PCDHA1: variants seen among roughly 807,000 people sequenced by gnomAD.
The protein encoded by PCDHA1 is protocadherin alpha 1, also known as protocadherin alpha-1.
A neutral mutation model predicts 61.3 loss-of-function variants in PCDHA1; 42 were observed. That is an observed-to-expected ratio of 0.69 (90% CI 0.54 to 0.89). The LOEUF (loss-of-function observed/expected upper bound fraction) is 0.89. Among genes scored for constraint, PCDHA1 ranks in the 40% least tolerant of loss-of-function variants. The pLI, the probability that PCDHA1 is intolerant of heterozygous loss-of-function variation, is 0.00. For missense variants in PCDHA1, 1,256 were observed against 1,235.3 expected (o/e 1.02, Z -0.25); for synonymous variants, 610 against 553.8 (o/e 1.10, Z -1.43).
chr5:140,908,999 T>C (rs1221174156), intron 1 of PCDHA1, among the ~76,000 whole-genome samples: 1 of 152,190 alleles, frequency 6.6e-6, no homozygotes, highest in Non-Finnish European at 1.5e-5. Context: ...GAAATTTTAC[T>C]GAGGTAGAAG....
At chr5:140,919,876 G>A (rs2079336654) in intron 1 of PCDHA1, among the ~76,000 whole-genome samples, 1 of 152,174 alleles carries the variant, frequency 6.6e-6, no homozygotes, top group Non-Finnish European at 1.5e-5. Flanking sequence ...AGTCTTTGAA[G>A]ACATAATTAT....
At position 140,853,046 on chromosome 5, in the gene PCDHA1, T is replaced by C. The variant is rs2150527902; in HGVS notation, c.2394+64362T>C. 4 of 266,690 alleles carry C rather than the reference T, an allele frequency of 1.5e-5. No individual in the cohort carries two copies. The South Asian group carries it at 5.7e-4, about 38-fold the overall frequency. The allele number at this position is 266,690 out of a possible 1,614,324, so 16.5% of individuals were successfully genotyped here. On this transcript the variant is annotated intron_variant, in intron 1 of 3. Transcript: ENST00000504120. ...GGCGCCTGCCACCATGCCCGCCTAA[T>C]TTTTTTGTATTTTTAGTAGAGATGG...
At chr5:140,808,754 C>T (rs1764256292) in intron 1 of PCDHA1, 4 of 1,612,248 alleles carry the variant, frequency 2.5e-6, no homozygotes, top group Non-Finnish European at 3.4e-6. Context: ...GCTGCAGCCG[C>T]TGGACCACGA....
At chr5:140,995,168 A>G (rs1554254492) in intron 3 of PCDHA1, among the ~76,000 whole-genome samples, 1 of 152,186 alleles carries the variant, frequency 6.6e-6, no homozygotes. Context: ...ATGTTCTTTC[A>G]TAGGTGCACC....
chr5:140,796,481 G>T, intron 1 of PCDHA1: 1 of 1,612,292 alleles, frequency 6.2e-7, no homozygotes, highest in East Asian at 2.2e-5. Flanking sequence ...GCGTTGTCGA[G>T]CTACGTTTCG....
At position 140,876,392 on chromosome 5, in the gene PCDHA1, A is replaced by C. The variant is rs373053230; in HGVS notation, c.2394+87708A>C. ...ACAGGTGAAATTAGAATTTATGGTG[A>C]ACTGGATTTTGAAGAGAATAATGCC... On this transcript the variant is annotated intron_variant, in intron 1 of 3. Transcript: ENST00000504120. 1.2e-4 allele frequency: 194 copies of C among 1,613,822 alleles called. No individual in the cohort carries two copies. The highest frequency in any genetic ancestry group is 1.6e-4 in the Non-Finnish European group (184 of 1,179,914).
intron 1 of PCDHA1, among the ~76,000 whole-genome samples, chr5:140,903,309 A>C (rs1435676177): frequency 6.6e-6 from 1 of 152,226 alleles, no homozygotes; most frequent in Non-Finnish European, 1.5e-5. Context: ...GTATACAATA[A>C]AGACAGCATT....
intron 1 of PCDHA1, chr5:140,802,583 G>A: frequency 1.2e-6 from 2 of 1,613,990 alleles, no homozygotes; most frequent in Non-Finnish European, 1.7e-6. Context: ...AGTACACGGT[G>A]TTCGTGAAGG....
rs139246881 is a variant in PCDHA1, at chr5:140,834,444, C to A, written c.2394+45760C>A. 16 of 1,613,902 alleles carry A rather than the reference C, an allele frequency of 9.9e-6. No individual in the cohort carries two copies. The African/African-American group carries it at 2.1e-4, about 22-fold the overall frequency. On this transcript the variant is annotated intron_variant, in intron 1 of 3. Coordinates refer to ENST00000504120, the MANE Select transcript of PCDHA1 (RefSeq NM_018900.4). ...ACATCTACTGCTGTTTATTATAATT[C>A]TAGCAGCTTGGGAGGCAGGGAGAGG... is the stretch of plus-strand genomic sequence containing the variant.
intron 1 of PCDHA1, among the ~76,000 whole-genome samples, chr5:140,953,094 C>A (rs2094845891): frequency 6.6e-6 from 1 of 152,172 alleles, no homozygotes; most frequent in South Asian, 2.1e-4. Flanking sequence ...TACAATTTGA[C>A]ATGAGATTTG....
chr5:140,841,780 G>A (rs2150322576), intron 1 of PCDHA1: 4 of 1,613,890 alleles, frequency 2.5e-6, no homozygotes, highest in East Asian at 2.2e-5. Flanking sequence ...CTCGGTTTCC[G>A]CTAGAGGGCG....
At chr5:140,862,992 C>A (rs781974665) in intron 1 of PCDHA1, 3 of 548,132 alleles carry the variant, frequency 5.5e-6, no homozygotes, top group Admixed American at 1.9e-5. Flanking sequence ...AAGGTGCGCA[C>A]GGTGGACTCC....
chr5:140,881,680 T>G (rs1391876461), intron 1 of PCDHA1, among the ~76,000 whole-genome samples: 1 of 152,268 alleles, frequency 6.6e-6, no homozygotes. Flanking sequence ...GTGATTGTTA[T>G]GTTTCCTTTT....
At chr5:140,821,880 G>A (rs2150111608) in intron 1 of PCDHA1, 4 of 1,614,104 alleles carry the variant, frequency 2.5e-6, no homozygotes, top group Non-Finnish European at 3.4e-6. Flanking sequence ...ACTCGATCCC[G>A]GAGGAAGCCA....
chr5:140,877,764 G>A, intron 1 of PCDHA1: 2 of 1,614,160 alleles, frequency 1.2e-6, no homozygotes, highest in Non-Finnish European at 1.7e-6. Context: ...CAGAGAGCCC[G>A]CCCAAGACGG....
intron 1 of PCDHA1, chr5:140,870,529 G>A (rs2052113654): frequency 6.2e-7 from 1 of 1,614,096 alleles, no homozygotes. Context: ...CATCTTCACA[G>A]TGTCGGCGCG....
intron 1 of PCDHA1, chr5:140,875,900 C>G (rs1554168051): frequency 1.2e-6 from 2 of 1,614,174 alleles, no homozygotes; most frequent in South Asian, 2.2e-5. Flanking sequence ...GTACCTGTTT[C>G]TGAATCTGCG....
At chr5:140,942,838 A>G (rs2093377015) in intron 1 of PCDHA1, among the ~76,000 whole-genome samples, 1 of 152,198 alleles carries the variant, frequency 6.6e-6, no homozygotes, top group Non-Finnish European at 1.5e-5. Context: ...GTCAATAAAA[A>G]TTCCAGTAAG....
At position 140,795,657 on chromosome 5, in the gene PCDHA1, G is replaced by A. The variant is rs782399257; in HGVS notation, c.2394+6973G>A. ...CGGGCACCGTTCAAATACTTATTAAGGTATTAGATGTAAATGACAATGAAC... is the reference window on the plus strand; with the variant it reads ...CGGGCACCGTTCAAATACTTATTAAAGTATTAGATGTAAATGACAATGAAC... On this transcript the variant is annotated intron_variant, in intron 1 of 3. Coordinates refer to ENST00000504120, the MANE Select transcript of PCDHA1 (RefSeq NM_018900.4). The A allele has an allele frequency of 6.2e-6, 10 of 1,613,964 alleles. No homozygotes were observed. The East Asian group carries it at 1.8e-4, about 29-fold the overall frequency.
Sources: gnomAD v4.1 joint callset for allele counts (sites outside exome capture counted in the v4.1 genomes callset) on GRCh38, gnomAD v4.1.1 for gene constraint, MANE v1.5 for transcripts, NCBI Gene and HGNC (gene_info 2026-07-23, HGNC 2026-07-21) for gene names.